BRI3: variants seen among roughly 807,000 people sequenced by gnomAD.
BRI3 encodes the protein brain protein I3.
Under a neutral mutation model 12.8 loss-of-function variants are expected in BRI3, and 6 were observed. That is an observed-to-expected ratio of 0.47 (90% CI 0.26 to 0.93). The LOEUF is 0.93. Among genes scored for constraint, BRI3 ranks in the 40% least tolerant of loss-of-function variants. BRI3 has a pLI of 0.15. For missense variants in BRI3, 134 were observed against 171.1 expected (o/e 0.78, Z 1.21); for synonymous variants, 91 against 76.1 (o/e 1.20, Z -1.02).
intron 1 of BRI3, 62 bp downstream of exon 1, chr7:98,281,999 C>T: frequency 1.5e-6 from 2 of 1,295,146 alleles, no homozygotes; most frequent in Non-Finnish European, 2.0e-6. Context: ...GGTCGGGGGA[C>T]GTGGGTCCGG....
chr7:98,308,062 G>C, exon 2 of BRI3: 1 of 738,858 alleles, frequency 1.4e-6, no homozygotes, highest in Non-Finnish European at 2.4e-6. Flanking sequence ...TGCCCAGAAG[G>C]AACAGGGACT....
chr7:98,304,420 C>A, upstream of BRI3: 1 of 1,593,988 alleles, frequency 6.3e-7, no homozygotes, highest in African/African-American at 1.3e-5. Flanking sequence ...TAATGTCTCA[C>A]CACCAAACCC....
the BRI3 span, among the ~76,000 whole-genome samples, chr7:98,319,009 A>G: frequency 6.6e-6 from 1 of 151,868 alleles, no homozygotes; most frequent in Non-Finnish European, 1.5e-5. Context: ...GCAATTAGAT[A>G]ACGTATGTAA....
chr7:98,292,872 C>G (rs539041589), downstream of BRI3: 3 of 1,444,538 alleles, frequency 2.1e-6, no homozygotes, highest in Admixed American at 8.2e-5. Flanking sequence ...AAGGAGCTCT[C>G]GGAGGAGATT....
downstream of BRI3, chr7:98,292,429 C>T: frequency 1.7e-6 from 1 of 577,114 alleles, no homozygotes; most frequent in Non-Finnish European, 3.1e-6. Flanking sequence ...CTGCCTCGGC[C>T]TCACAAAATG....
At position 98,291,307 on chromosome 7, in the gene BRI3, A is replaced by G. The variant is rs1484601175; in HGVS notation, c.*64A>G. ...TTTTTCTAATGTAAATGTTGTGTAC[A>G]ATAATTTTATTTGATTAAGCTTCAG... On this transcript the variant is annotated 3_prime_UTR_variant, in exon 3 of 3. Transcript: ENST00000297290. The G allele has an allele frequency of 3.8e-6, 6 of 1,599,424 alleles. No individual in the cohort carries two copies. The highest frequency in any genetic ancestry group is 4.3e-6 in the Non-Finnish European group (5 of 1,172,020).
chr7:98,308,213 T>C (rs1453936601), exon 2 of BRI3: 1 of 535,216 alleles, frequency 1.9e-6, no homozygotes, highest in East Asian at 4.8e-5. Flanking sequence ...AGGATGGCTC[T>C]TCTTAGAGAG....
At chr7:98,292,510 C>A, downstream of BRI3, 1 of 907,940 alleles carries the variant, frequency 1.1e-6, no homozygotes. Flanking sequence ...AGGTCCAGAT[C>A]CTTGGCAGCC....
intron 2 of BRI3, among the ~76,000 whole-genome samples, chr7:98,288,732 TCC>T (rs1372848030): frequency 2.6e-5 from 4 of 151,706 alleles, no homozygotes; most frequent in Admixed American, 6.6e-5. Context: ...GGCTGAACAA[TCC>T]CCCTTTTCCA....
At chr7:98,297,130 A>G (rs1194764222), downstream of BRI3, among the ~76,000 whole-genome samples, 1 of 152,226 alleles carries the variant, frequency 6.6e-6, no homozygotes, top group Admixed American at 6.5e-5. Context: ...GCAACTGGAG[A>G]CTATAGAGCG....
chr7:98,320,414 C>T, the BRI3 span: 1 of 707,328 alleles, frequency 1.4e-6, no homozygotes. Flanking sequence ...TGGCCCGCTG[C>T]AACCTCCGCC....
At chr7:98,314,414 T>C (rs1709333259), downstream of BRI3, among the ~76,000 whole-genome samples, 1 of 152,206 alleles carries the variant, frequency 6.6e-6, no homozygotes, top group African/African-American at 2.4e-5. Context: ...GCTTCTCCTA[T>C]ATTGGAACAC....
At chr7:98,313,792 C>CTCTTT (rs1179300343), downstream of BRI3, among the ~76,000 whole-genome samples, 1 of 132,944 alleles carries the variant, frequency 7.5e-6, no homozygotes. Context: ...CTAATTAAAA[C>CTCTTT]TTTTTTTTTT....
chr7:98,312,865 G>C (rs1279153498), downstream of BRI3, among the ~76,000 whole-genome samples: 1 of 152,180 alleles, frequency 6.6e-6, no homozygotes, highest in Non-Finnish European at 1.5e-5. Flanking sequence ...CCTGGAGGCA[G>C]AGTGCCCCTC....
chr7:98,312,587 C>G (rs1800912278), downstream of BRI3, among the ~76,000 whole-genome samples: 1 of 152,122 alleles, frequency 6.6e-6, no homozygotes, highest in African/African-American at 2.4e-5. Context: ...TGTATGAATC[C>G]CGTTTTCCAG....
At chr7:98,319,964 C>T in the BRI3 span, 1 of 981,466 alleles carries the variant, frequency 1.0e-6, no homozygotes, top group Admixed American at 2.2e-5. Context: ...TCTCTCCTGT[C>T]TGCTGCTGAT....
upstream of BRI3, chr7:98,306,362 C>G: frequency 6.5e-7 from 1 of 1,548,944 alleles, no homozygotes; most frequent in South Asian, 1.1e-5. Flanking sequence ...TGCGACACAG[C>G]TAGATGGTGG....
upstream of BRI3, among the ~76,000 whole-genome samples, chr7:98,305,733 T>C (rs1462773248): frequency 1.3e-5 from 2 of 152,218 alleles, no homozygotes; most frequent in Non-Finnish European, 2.9e-5. Flanking sequence ...AGTTTCCTCA[T>C]TTTTTAAAGT....
At chr7:98,312,372 G>C (rs1800905419), downstream of BRI3, 2 of 1,231,182 alleles carry the variant, frequency 1.6e-6, no homozygotes, top group Admixed American at 2.3e-5. Context: ...TTAGCACCAG[G>C]AGTGTGGGGG....
Sources: allele counts gnomAD v4.1 joint callset (sites outside exome capture counted in the v4.1 genomes callset), GRCh38; gene constraint gnomAD v4.1.1; transcripts MANE v1.5; gene names NCBI Gene and HGNC (gene_info 2026-07-23, HGNC 2026-07-21).